Variants in ZDHHC15 observed in about 807,000 individuals in gnomAD.
The protein encoded by ZDHHC15 is zDHHC palmitoyltransferase 15.
In ZDHHC15, 19 loss-of-function variants were observed where a neutral mutation model predicts 31.7. That is an observed-to-expected ratio of 0.60 (90% CI 0.42 to 0.88). The LOEUF (loss-of-function observed/expected upper bound fraction) is 0.88, where lower values mean the gene tolerates loss of function less well. ZDHHC15 is among the 40% of genes least tolerant of loss of function. The pLI, the probability that ZDHHC15 is intolerant of heterozygous loss-of-function variation, is 0.00. For missense variants in ZDHHC15, 209 were observed against 251.2 expected, an observed-to-expected ratio of 0.83 and a Z score of 1.14; for synonymous variants, 103 against 90.0, an observed-to-expected ratio of 1.14 and a Z score of -0.82.
rs769522986 is a variant in ZDHHC15 at position 75,442,724 on chromosome X, C to A, written c.379+8078G>T. Among the ~76,000 whole-genome samples, 3 of 111,352 alleles carry A rather than the reference C, an allele frequency of 2.7e-5. No individual in the cohort carries two copies. In the South Asian group the frequency reaches 1.1e-3, roughly 43 times the overall value. ...ATATTGGGCCGGGCGCGGTGGCTCA[C>A]GCCTGTAATCCCAGCACTTTGGGAG... is the stretch of plus-strand genomic sequence containing the variant. On this transcript the variant is annotated intron_variant, in intron 4 of 11. Transcript: ENST00000373367.
chrX:75,503,054 T>C (rs990839028), intron 2 of ZDHHC15, among the ~76,000 whole-genome samples: 3 of 110,690 alleles, frequency 2.7e-5, no homozygotes, highest in Admixed American at 1.9e-4. Context: ...CCATTTACCC[T>C]GATGTGATTA....
At chrX:75,421,442 T>TATATAATATATATA (rs1491342750) in intron 9 of ZDHHC15, among the ~76,000 whole-genome samples, 1 of 63,632 alleles carries the variant, frequency 1.6e-5, no homozygotes, top group African/African-American at 7.5e-5. Context: ...TAATATATAT[T>TATATAATATATATA]ATATATATAT....
At chrX:75,464,306 G>A (rs1012777121) in intron 3 of ZDHHC15, among the ~76,000 whole-genome samples, 11 of 110,658 alleles carry the variant, frequency 9.9e-5, no homozygotes, top group Non-Finnish European at 1.9e-4. Context: ...AAGGGAGGAG[G>A]GAAAGCATTA....
intron 3 of ZDHHC15, among the ~76,000 whole-genome samples, chrX:75,462,631 C>G (rs1048098125): frequency 3.6e-5 from 4 of 112,034 alleles, no homozygotes; most frequent in Non-Finnish European, 5.6e-5. Flanking sequence ...CAAAACCACA[C>G]CACTACATGG....
chrX:75,390,013 G>T (rs1292215139), intron 10 of ZDHHC15, among the ~76,000 whole-genome samples: 1 of 111,310 alleles, frequency 9.0e-6, no homozygotes, highest in African/African-American at 3.3e-5. Flanking sequence ...GATCGGACAG[G>T]ATTCACCATA....
At position 75,429,100 on chromosome X, in the gene ZDHHC15, C is replaced by T. The variant is rs149832160; in HGVS notation, c.581G>A (p.Ser194Asn). ...TACTCTCCAGTATTTGATGAAATAG[C>T]TGAAGACTGTCGTAGCAATGTACAG... is the stretch of plus-strand genomic sequence containing the variant. ...YCLYIATTVF[S>N]YFIKYWRGEL... The change falls in exon 7 of 12, where the codon AGC becomes AAC. Residue 194 changes from serine (S) to asparagine (N), a missense_variant. By Grantham distance (46) the Ser-to-Asn change is conservative. Transcript: ENST00000373367. 49 of 1,206,266 alleles carry T rather than the reference C, an allele frequency of 4.1e-5. No individual in the cohort carries two copies. The African/African-American group carries it at 7.7e-4, about 19-fold the overall frequency.
At chrX:75,518,804 T>C (rs866810059) in intron 1 of ZDHHC15, among the ~76,000 whole-genome samples, 1 of 23,759 alleles carries the variant, frequency 4.2e-5, no homozygotes, top group African/African-American at 1.3e-4. Context: ...TATATATATA[T>C]ATACACACAC....
At chrX:75,455,505 A>C (rs1044670557) in intron 3 of ZDHHC15, among the ~76,000 whole-genome samples, 1 of 112,268 alleles carries the variant, frequency 8.9e-6, no homozygotes, top group South Asian at 3.6e-4. Context: ...AACAAAAGCC[A>C]AAATAGACAA....
intron 2 of ZDHHC15, among the ~76,000 whole-genome samples, chrX:75,498,991 G>A (rs1267336052): frequency 1.8e-5 from 2 of 111,466 alleles, no homozygotes; most frequent in African/African-American, 3.3e-5. Context: ...AATACTTAGA[G>A]CCAACTGATC....
At chrX:75,437,766 A>T (rs1289856465) in intron 4 of ZDHHC15, among the ~76,000 whole-genome samples, 3 of 110,111 alleles carry the variant, frequency 2.7e-5, no homozygotes, top group African/African-American at 6.6e-5. Flanking sequence ...TGTGTCTTTA[A>T]AGCAGCATGA....
At chrX:75,420,931 C>G (rs1405565116) in intron 9 of ZDHHC15, among the ~76,000 whole-genome samples, 1 of 110,399 alleles carries the variant, frequency 9.1e-6, no homozygotes, top group African/African-American at 3.3e-5. Flanking sequence ...TGCACATGTA[C>G]CCCAGAACTT....
intron 3 of ZDHHC15, among the ~76,000 whole-genome samples, chrX:75,457,751 TA>T (rs1166895114): frequency 2.7e-5 from 3 of 110,531 alleles, no homozygotes; most frequent in African/African-American, 9.9e-5. Context: ...CCAACTGGAT[TA>T]AAAAATATTT....
At chrX:75,500,134 T>C (rs1466427115) in intron 2 of ZDHHC15, among the ~76,000 whole-genome samples, 2 of 109,022 alleles carry the variant, frequency 1.8e-5, no homozygotes, top group African/African-American at 6.7e-5. Context: ...AGGATGGGAG[T>C]GGGGTGAGGG....
chrX:75,501,869 A>G (rs954724541), intron 2 of ZDHHC15: 11 of 111,513 alleles, frequency 9.9e-5, no homozygotes, highest in African/African-American at 3.2e-4. Context: ...TAGTTTGCAA[A>G]AATTTTCTTC....
chrX:75,385,824 T>G (rs1476378530), intron 10 of ZDHHC15, among the ~76,000 whole-genome samples: 2 of 111,879 alleles, frequency 1.8e-5, no homozygotes, highest in East Asian at 2.8e-4. Flanking sequence ...GCAAATCACC[T>G]TTCCTTTGAA....
chrX:75,519,658 T>C (rs1396144429), intron 1 of ZDHHC15, among the ~76,000 whole-genome samples: 1 of 112,450 alleles, frequency 8.9e-6, no homozygotes, highest in Non-Finnish European at 1.9e-5. Flanking sequence ...TGTTACTTTT[T>C]GAGACATATT....
chrX:75,458,775 A>C (rs1397980236), intron 3 of ZDHHC15, among the ~76,000 whole-genome samples: 4 of 109,842 alleles, frequency 3.6e-5, no homozygotes, highest in African/African-American at 1.3e-4. Context: ...TTTCCCAACC[A>C]AAGGTCAATA....
intron 10 of ZDHHC15, among the ~76,000 whole-genome samples, chrX:75,395,289 C>A (rs1363184005): frequency 9.0e-6 from 1 of 111,088 alleles, no homozygotes; most frequent in African/African-American, 3.3e-5. Context: ...ATGATATAAT[C>A]TTATATTTGA....
At chrX:75,496,004 C>T (rs910558305) in intron 2 of ZDHHC15, among the ~76,000 whole-genome samples, 1 of 109,377 alleles carries the variant, frequency 9.1e-6, no homozygotes, top group Non-Finnish European at 1.9e-5. Flanking sequence ...GTTCACATCT[C>T]AATACTAAAG....
Sources: allele counts gnomAD v4.1 joint callset (sites outside exome capture counted in the v4.1 genomes callset), GRCh38; gene constraint gnomAD v4.1.1; transcripts MANE v1.5; gene names NCBI Gene and HGNC (gene_info 2026-07-23, HGNC 2026-07-21).